GREB1: variants seen among roughly 807,000 people sequenced by gnomAD.
GREB1 encodes the protein protein GREB1.
Under a neutral mutation model 200.7 loss-of-function variants are expected in GREB1, and 106 were observed. The ratio of observed to expected loss-of-function variants is 0.53; its 90% CI spans 0.45 to 0.62. The LOEUF is 0.62. GREB1 is among the 20% of genes least tolerant of loss of function. GREB1 has a pLI of 0.00. For missense variants in GREB1, 2,243 were observed against 2,556.8 expected (o/e 0.88, Z 2.65); for synonymous variants, 1,132 against 1,092.4 (o/e 1.04, Z -0.72).
chr2:11,607,741 A>G (rs1262140107), intron 17 of GREB1, among the ~76,000 whole-genome samples: 1 of 151,966 alleles, frequency 6.6e-6, no homozygotes, highest in Non-Finnish European at 1.5e-5. Context: ...TTGATGATAC[A>G]TAGTTACTGT....
intron 4 of GREB1, among the ~76,000 whole-genome samples, chr2:11,572,344 C>T (rs2148005497): frequency 6.6e-6 from 1 of 152,320 alleles, no homozygotes; most frequent in Admixed American, 6.5e-5. Flanking sequence ...CTTCTAGAGG[C>T]ATCCCTGAGG....
At chr2:11,588,467 C>T (rs1680394122) in intron 9 of GREB1, 1 of 455,282 alleles carries the variant, frequency 2.2e-6, no homozygotes, top group East Asian at 4.7e-5. Flanking sequence ...GCAAGTCCCT[C>T]CCTCCAGCCC....
rs143826962 is a variant in GREB1, at chr2:11,505,867, A to C, written c.-159+23486A>C. Among the ~76,000 whole-genome samples the C allele has an allele frequency of 9.4e-4, 143 of 152,256 alleles. No individual in the cohort carries two copies. The Middle Eastern group carries it at 0.014, about 14-fold the overall frequency. On this transcript the variant is annotated intron_variant, in intron 1 of 2. Transcript: ENST00000628795. ...GTTTTGGGAAAAAAAAAAGTGTTCAAACTAACTTGTAAACGGACTTTGGAA... is the reference window on the plus strand; with the variant it reads ...GTTTTGGGAAAAAAAAAAGTGTTCACACTAACTTGTAAACGGACTTTGGAA...
intron 4 of GREB1, among the ~76,000 whole-genome samples, chr2:11,568,152 A>G (rs2147971166): frequency 6.6e-6 from 1 of 152,280 alleles, no homozygotes; most frequent in African/African-American, 2.4e-5. Flanking sequence ...TTTCTTACAT[A>G]TTTTCCATGA....
intron 1 of GREB1, among the ~76,000 whole-genome samples, chr2:11,526,861 A>G (rs971092847): frequency 1.3e-5 from 2 of 152,182 alleles, no homozygotes; most frequent in African/African-American, 2.4e-5. Context: ...CCCGGCTTCA[A>G]TCCTTTTAAC....
chr2:11,606,892 C>T (rs1276652103), intron 17 of GREB1, among the ~76,000 whole-genome samples: 2 of 151,772 alleles, frequency 1.3e-5, no homozygotes, highest in African/African-American at 2.4e-5. Context: ...AAGTGATTCT[C>T]CTGCCTCAGC....
chr2:11,530,125 C>T (rs754562905), upstream of GREB1, among the ~76,000 whole-genome samples: 3 of 151,692 alleles, frequency 2.0e-5, no homozygotes, highest in Non-Finnish European at 4.4e-5. Context: ...ACAGGGGCAC[C>T]ATCTTGGCTC....
chr2:11,562,064 G>A (rs535208727), intron 2 of GREB1, among the ~76,000 whole-genome samples: 15 of 152,292 alleles, frequency 9.8e-5, no homozygotes, highest in African/African-American at 2.6e-4. Flanking sequence ...CAGGCATTGC[G>A]CTCAGTCCTT....
At chr2:11,484,116 G>C (rs1351503491) in intron 1 of GREB1, among the ~76,000 whole-genome samples, 1 of 152,094 alleles carries the variant, frequency 6.6e-6, no homozygotes, top group Non-Finnish European at 1.5e-5. Flanking sequence ...TTGTTATTGG[G>C]AGTTTTAAAG....
At chr2:11,636,748 AT>A (rs1254120267) in intron 30 of GREB1, among the ~76,000 whole-genome samples, 4 of 144,668 alleles carry the variant, frequency 2.8e-5, no homozygotes, top group South Asian at 2.4e-4. Flanking sequence ...GGGCATGGGC[AT>A]GGGCAGGGGC....
At position 11,615,278 on chromosome 2, in the gene GREB1, C is replaced by A; in HGVS notation, c.3310C>A (p.Leu1104Met). 6.3e-7 allele frequency: 1 copy of A among 1,588,476 alleles called. No individual in the cohort carries two copies. The highest frequency in any genetic ancestry group is 8.6e-7 in the Non-Finnish European group (1 of 1,166,514). ...CAGCACAGACAACGAGGATGAGGAG[C>A]TGGGGACAGAAGGTGAGGGATGGCT... ...LSSTDNEDEE[L>M]GTEGSTSEKR... Residue 1104 changes from leucine (L) to methionine (M), a missense_variant, in exon 20 of 33, where the codon CTG becomes ATG. This residue lies in a region of GREB1 where 587 missense variants were observed against 553.1 expected (regional missense o/e 1.06). Coordinates refer to ENST00000381486, the MANE Select transcript of GREB1 (RefSeq NM_014668.4).
At chr2:11,616,356 C>T (rs1293961378) in intron 20 of GREB1, among the ~76,000 whole-genome samples, 4 of 152,350 alleles carry the variant, frequency 2.6e-5, no homozygotes, top group Middle Eastern at 3.4e-3. Flanking sequence ...CCAGGCTCCC[C>T]GACCCCTCTC....
chr2:11,595,864 C>T (rs1165186528), intron 12 of GREB1, among the ~76,000 whole-genome samples: 1 of 152,146 alleles, frequency 6.6e-6, no homozygotes, highest in African/African-American at 2.4e-5. Flanking sequence ...GGGACCTTCC[C>T]CTTCATCCTT....
Position 11,602,527 on chromosome 2 carries a change from C to T in GREB1, c.2651C>T (p.Thr884Ile). ...GATAGCTCCTTTGAGGCCATGGTCA[C>T]TGCATTAGGAAAAAGGTACTTGTTT... is the stretch of plus-strand genomic sequence containing the variant. ...RYDSSFEAMV[T>I]ALGKRFPRLH... Residue 884 changes from threonine to isoleucine, a missense_variant, in exon 17 of 33, where the codon ACT (threonine) becomes ATT (isoleucine). Physicochemically the swap from Thr to Ile is moderately conservative, Grantham distance 89. Coordinates refer to ENST00000381486, the MANE Select transcript of GREB1 (RefSeq NM_014668.4). 3 of 1,614,008 alleles carry T rather than the reference C, an allele frequency of 1.9e-6. No individual in the cohort carries two copies. The highest frequency in any genetic ancestry group is 2.5e-6 in the Non-Finnish European group (3 of 1,179,844).
At chr2:11,588,681 C>T in intron 9 of GREB1, 65 bp from the exon 10 acceptor site, 5 of 1,442,278 alleles carry the variant, frequency 3.5e-6, no homozygotes, top group Non-Finnish European at 4.9e-6. Context: ...CCCAGAGAAC[C>T]CACATGTATG....
chr2:11,503,936 A>G (rs554471511), intron 1 of GREB1, among the ~76,000 whole-genome samples: 4 of 152,286 alleles, frequency 2.6e-5, no homozygotes, highest in African/African-American at 9.6e-5. Flanking sequence ...CTATATATAT[A>G]TTGTGTTTCT....
intron 1 of GREB1, among the ~76,000 whole-genome samples, chr2:11,510,659 T>C (rs1008730397): frequency 1.5e-4 from 22 of 151,674 alleles, no homozygotes; most frequent in African/African-American, 5.3e-4. Flanking sequence ...TTAGTTTCTT[T>C]TTCTTTTTTC....
chr2:11,606,095 T>C (rs888740006), intron 17 of GREB1, among the ~76,000 whole-genome samples: 1 of 152,224 alleles, frequency 6.6e-6, no homozygotes, highest in African/African-American at 2.4e-5. Context: ...GTCCCCGCCA[T>C]ACCAAAATCC....
At chr2:11,622,291 G>T (rs2148377289) in intron 23 of GREB1, among the ~76,000 whole-genome samples, 1 of 152,276 alleles carries the variant, frequency 6.6e-6, no homozygotes, top group African/African-American at 2.4e-5. Flanking sequence ...ATGTTGGCCA[G>T]GCTGGTCTCA....
Sources: allele counts gnomAD v4.1 joint callset (sites outside exome capture counted in the v4.1 genomes callset), GRCh38; gene constraint gnomAD v4.1.1; regional missense constraint gnomAD v4.1.1; transcripts MANE v1.5; gene names NCBI Gene and HGNC (gene_info 2026-07-23, HGNC 2026-07-21).